The following AAMDC variants were observed in gnomAD, a reference collection of about 807,000 sequenced individuals.
The protein encoded by AAMDC is adipogenesis associated Mth938 domain containing.
A neutral mutation model predicts 15.5 loss-of-function variants in AAMDC; 16 were observed. The ratio of observed to expected loss-of-function variants is 1.03; its 90% confidence interval spans 0.70 to 1.57. The LOEUF is 1.57. Ranked by LOEUF, AAMDC falls within the 40% of genes most tolerant of loss-of-function variation. The probability of loss-of-function intolerance (pLI) is 0.00; values close to 1 mark genes in which losing one functional copy is unlikely to be tolerated. For synonymous variants in AAMDC, 51 were observed against 51.6 expected (o/e 0.99, Z 0.05); for missense variants, 141 against 144.9 (o/e 0.97, Z 0.14).
Position 77,870,665 on chromosome 11 carries a change from A to G in AAMDC, c.228+848A>G, listed in dbSNP as rs149111680. Among the ~76,000 whole-genome samples the G allele has an allele frequency of 2.2e-4, 33 of 152,088 alleles. No homozygotes were observed. The East Asian group carries it at 5.6e-3, about 26-fold the overall frequency. ...TTTTTAATTTTCTTACAGAAATAAT[A>G]TATGCTCATTGTAAAAGATTTAAAA... On this transcript the variant is annotated intron_variant, in intron 3 of 3. Transcript: ENST00000393427.
chr11:77,859,015 A>G (rs1950761838), intron 2 of AAMDC, among the ~76,000 whole-genome samples: 1 of 152,200 alleles, frequency 6.6e-6, no homozygotes, highest in African/African-American at 2.4e-5. Flanking sequence ...TGGTCCAGTA[A>G]TGATTTGGCC....
chr11:77,892,055 G>A (rs1952295682), intron 5 of AAMDC, among the ~76,000 whole-genome samples: 1 of 152,158 alleles, frequency 6.6e-6, no homozygotes, highest in Non-Finnish European at 1.5e-5. Flanking sequence ...TTATGTGCCA[G>A]GCATACTCTT....
intron 2 of AAMDC, among the ~76,000 whole-genome samples, chr11:77,858,712 T>C (rs1291160726): frequency 6.6e-6 from 1 of 152,080 alleles, no homozygotes; most frequent in African/African-American, 2.4e-5. Flanking sequence ...TGGGGCATAG[T>C]AGGGGTTGTG....
intron 2 of AAMDC, among the ~76,000 whole-genome samples, chr11:77,846,610 G>A (rs1405800465): frequency 6.6e-6 from 1 of 152,224 alleles, no homozygotes; most frequent in Non-Finnish European, 1.5e-5. Context: ...GGAGGCTGAG[G>A]CAGGAGAATC....
chr11:77,886,080 T>A (rs1951994177), intron 5 of AAMDC, among the ~76,000 whole-genome samples: 1 of 151,284 alleles, frequency 6.6e-6, no homozygotes. Context: ...GTGGTGTGTA[T>A]CTCTAGTTCC....
Position 77,842,558 on chromosome 11 carries a change from C to T in AAMDC, c.62C>T (p.Thr21Ile). 1 of 1,614,072 alleles carries T rather than the reference C, an allele frequency of 6.2e-7. No homozygotes were observed. The highest frequency in any genetic ancestry group is 8.5e-7 in the Non-Finnish European group (1 of 1,179,988). ...WGQMKVKGSN[T>I]TYKDCKVWPG... ...CAAATGAAAGTAAAAGGCTCTAATA[C>T]AACCTATAAGGACTGCAAAGTATGG... The change falls in exon 2 of 4, where the codon ACA becomes ATA. Residue 21 changes from threonine (T) to isoleucine (I), a missense_variant. Coordinates refer to ENST00000393427, the MANE Select transcript of AAMDC (RefSeq NM_024684.4).
downstream of AAMDC, among the ~76,000 whole-genome samples, chr11:77,902,523 T>A (rs1325073349): frequency 2.0e-5 from 3 of 152,178 alleles, no homozygotes; most frequent in African/African-American, 7.2e-5. Flanking sequence ...TGGTCTCAAG[T>A]CCTGACTGTA....
intron 5 of AAMDC, among the ~76,000 whole-genome samples, chr11:77,887,774 A>C (rs968751103): frequency 2.0e-5 from 3 of 152,208 alleles, no homozygotes; most frequent in Non-Finnish European, 4.4e-5. Flanking sequence ...CTTATACGCC[A>C]ATAACAGACA....
intron 2 of AAMDC, among the ~76,000 whole-genome samples, chr11:77,854,422 C>A (rs1243685406): frequency 6.6e-6 from 1 of 152,200 alleles, no homozygotes; most frequent in East Asian, 1.9e-4. Context: ...TTCCAAGATA[C>A]AATGGGGTTA....
chr11:77,825,983 T>C (rs1481131023), intron 1 of AAMDC, among the ~76,000 whole-genome samples: 2 of 152,068 alleles, frequency 1.3e-5, no homozygotes, highest in Non-Finnish European at 2.9e-5. Flanking sequence ...TGAGCCACCG[T>C]CTTACTACCC....
chr11:77,824,975 TTTG>T (rs907377146), intron 1 of AAMDC, among the ~76,000 whole-genome samples: 7 of 152,124 alleles, frequency 4.6e-5, no homozygotes, highest in South Asian at 2.1e-4. Context: ...ACATAGTTTT[TTTG>T]TTGTTGTTGT....
Position 77,882,004 on chromosome 11 carries a change from C to G in AAMDC, c.328+4955C>G, listed in dbSNP as rs113417396. On this transcript the variant is annotated intron_variant, in intron 5 of 5. Transcript: ENST00000304716. ...AGGGCTCCCTGCAGCCTTGACCCCC[C>G]AGACTCAAGCAATCTTCCTGCCTCA... 3.5e-3 allele frequency among the ~76,000 whole-genome samples: 535 copies of G among 152,096 alleles called. 7 individuals are homozygous for G. Among genetic ancestry groups the G allele is most frequent in the African/African-American group, 0.012 (495 of 41,496 alleles).
chr11:77,849,370 T>C (rs191118062), intron 2 of AAMDC, among the ~76,000 whole-genome samples: 111 of 152,212 alleles, frequency 7.3e-4, no homozygotes, highest in African/African-American at 2.4e-3. Context: ...TACTGGTGTG[T>C]GTGACCACGC....
rs1483538013 is a variant in AAMDC, at chr11:77,891,306, A to G, written c.329-9265A>G. 8.1e-6 allele frequency: 13 copies of G among 1,608,356 alleles called. No individual in the cohort carries two copies. In the Admixed American group the frequency reaches 1.7e-4, roughly 21 times the overall value. ...CAGTCTAGAAGCTCCATGAGGACCC[A>G]AACCCGACAGACCTGGACCTTAACA... On this transcript the variant is annotated intron_variant, in intron 5 of 5. Transcript: ENST00000304716.
At chr11:77,866,740 A>T (rs79178148) in intron 2 of AAMDC, 3 of 152,182 alleles carry the variant, frequency 2.0e-5, no homozygotes, top group African/African-American at 7.2e-5. Flanking sequence ...GAAAAAAAAA[A>T]TATTAAAAAA....
Position 77,833,004 on chromosome 11 carries a change from T to C in AAMDC, c.-18-9475T>C, listed in dbSNP as rs1305354749. 9.9e-5 allele frequency among the ~76,000 whole-genome samples: 9 copies of C among 91,244 alleles called. 2 individuals are homozygous for C. The highest frequency in any genetic ancestry group is 3.9e-4 in the African/African-American group (8 of 20,688). 59.9% of individuals were successfully genotyped at this position (91,244 alleles called of 152,430 possible). On this transcript the variant is annotated intron_variant, in intron 1 of 3. Transcript: ENST00000393427. ...GTGTGTGTGTGTGTGTGTGTATATA[T>C]ATATATTTTTTTTTTTTTTTTTTTT...
intron 2 of AAMDC, among the ~76,000 whole-genome samples, chr11:77,859,318 T>G (rs561656067): frequency 6.6e-6 from 1 of 152,312 alleles, no homozygotes; most frequent in East Asian, 1.9e-4. Context: ...TTCCCTTCTA[T>G]TTCCCTTTCC....
intron 5 of AAMDC, chr11:77,894,360 G>C: frequency 6.7e-7 from 1 of 1,501,134 alleles, no homozygotes. Context: ...CTGTAGAAAA[G>C]AAATGTAAAA....
chr11:77,867,734 A>C (rs1205669552), intron 2 of AAMDC, among the ~76,000 whole-genome samples: 1 of 152,226 alleles, frequency 6.6e-6, no homozygotes, highest in Non-Finnish European at 1.5e-5. Flanking sequence ...CTTTGCTGAC[A>C]CAGAGGTAGT....
Sources: allele counts gnomAD v4.1 joint callset (sites outside exome capture counted in the v4.1 genomes callset), GRCh38; gene constraint gnomAD v4.1.1; transcripts MANE v1.5; gene names NCBI Gene and HGNC (gene_info 2026-07-23, HGNC 2026-07-21).